ADK: variants seen among roughly 807,000 people sequenced by gnomAD.
The protein encoded by ADK is adenosine kinase.
Under a neutral mutation model 44.7 loss-of-function variants are expected in ADK, and 24 were observed. The ratio of observed to expected loss-of-function variants is 0.54; its 90% CI spans 0.39 to 0.76. ADK has a LOEUF of 0.76. Among genes scored for constraint, ADK ranks in the 30% least tolerant of loss-of-function variants. The pLI, the probability that ADK is intolerant of heterozygous loss-of-function variation, is 0.00. For synonymous variants in ADK, 128 were observed against 142.6 expected, an observed-to-expected ratio of 0.90 and a Z score of 0.73; for missense variants, 321 against 425.1, an observed-to-expected ratio of 0.76 and a Z score of 2.15.
At chr10:74,365,741 G>A (rs1038979444) in intron 4 of ADK, among the ~76,000 whole-genome samples, 6 of 152,062 alleles carry the variant, frequency 3.9e-5, no homozygotes, top group African/African-American at 1.4e-4. Context: ...TAATTGCTGG[G>A]TCATATGGTA....
intron 2 of ADK, among the ~76,000 whole-genome samples, chr10:74,211,485 G>A (rs543981120): frequency 1.2e-3 from 179 of 152,142 alleles, no homozygotes; most frequent in African/African-American, 4.0e-3. Flanking sequence ...ACATCTTATG[G>A]TAGTGATCAT....
chr10:74,478,680 A>C (rs1243619364), intron 6 of ADK, among the ~76,000 whole-genome samples: 1 of 152,212 alleles, frequency 6.6e-6, no homozygotes, highest in Non-Finnish European at 1.5e-5. Flanking sequence ...TATAGAATGC[A>C]ACTATCAATA....
At chr10:74,565,602 C>T (rs1850634687) in intron 7 of ADK, among the ~76,000 whole-genome samples, 1 of 151,914 alleles carries the variant, frequency 6.6e-6, no homozygotes, top group African/African-American at 2.4e-5. Flanking sequence ...TGGCGCATGC[C>T]TGTAATCCCA....
chr10:74,370,902 A>AT (rs1842637562), intron 4 of ADK, among the ~76,000 whole-genome samples: 1 of 152,054 alleles, frequency 6.6e-6, no homozygotes, highest in Non-Finnish European at 1.5e-5. Context: ...AATATTTTTG[A>AT]TTATGTAGAA....
At chr10:74,659,481 A>T (rs1174045283) in intron 9 of ADK, among the ~76,000 whole-genome samples, 2 of 152,252 alleles carry the variant, frequency 1.3e-5, no homozygotes, top group African/African-American at 4.8e-5. Context: ...AGAGGCAGGT[A>T]GTCTGCAAGG....
At chr10:74,151,478 G>A in intron 1 of ADK, 135 bp downstream of exon 1, 1 of 971,664 alleles carries the variant, frequency 1.0e-6, no homozygotes, top group Non-Finnish European at 1.6e-6. Context: ...ACCTCCCCCA[G>A]CTGCCCGCTT....
intron 9 of ADK, among the ~76,000 whole-genome samples, chr10:74,612,954 T>G (rs1852611421): frequency 6.6e-6 from 1 of 152,128 alleles, no homozygotes; most frequent in East Asian, 1.9e-4. Context: ...TGGGTTTACT[T>G]CTGGGTTCTC....
intron 6 of ADK, among the ~76,000 whole-genome samples, chr10:74,425,398 C>A (rs913219375): frequency 1.3e-5 from 2 of 152,082 alleles, no homozygotes; most frequent in Non-Finnish European, 2.9e-5. Context: ...CTTTAGGATC[C>A]CAACTTTATG....
At chr10:74,260,260 T>C (rs1455587464) in intron 3 of ADK, among the ~76,000 whole-genome samples, 1 of 152,092 alleles carries the variant, frequency 6.6e-6, no homozygotes, top group Non-Finnish European at 1.5e-5. Flanking sequence ...GATTCTTTTG[T>C]TTGTTTGTTT....
At chr10:74,694,223 A>G (rs1856094694) in intron 10 of ADK, among the ~76,000 whole-genome samples, 1 of 134,058 alleles carries the variant, frequency 7.5e-6, no homozygotes, top group Non-Finnish European at 1.5e-5. Flanking sequence ...CTGACTAAAG[A>G]CTAAAAATGG....
intron 6 of ADK, among the ~76,000 whole-genome samples, chr10:74,426,191 A>G (rs1376705571): frequency 2.0e-5 from 3 of 152,176 alleles, no homozygotes; most frequent in Admixed American, 2.0e-4. Flanking sequence ...TCATGCCGTT[A>G]ACTATTCCTT....
At chr10:74,294,128 C>G (rs530167579) in intron 3 of ADK, among the ~76,000 whole-genome samples, 1 of 152,226 alleles carries the variant, frequency 6.6e-6, no homozygotes, top group South Asian at 2.1e-4. Context: ...TTTCCATGTC[C>G]TATTCCATCA....
In ADK at chr10:74,224,495, CTG is replaced by C. The variant is rs754194632; in HGVS notation, c.141-35_141-34del. The C allele has an allele frequency of 7.9e-6, 12 of 1,523,764 alleles. No individual in the cohort carries two copies. The South Asian group carries it at 9.0e-5, about 11-fold the overall frequency. 94.4% of individuals were successfully genotyped at this position (1,523,764 alleles called of 1,614,324 possible). On this transcript the variant is annotated intron_variant, in intron 2 of 10. Coordinates refer to ENST00000539909, the MANE Select transcript of ADK (RefSeq NM_006721.4). ...AGAGGTCAGCTAACTTACGTTGACA[CTG>C]TGTGTGTATGAAGAGTGTAATTTTC...
At chr10:74,311,078 A>G (rs567697018) in intron 3 of ADK, among the ~76,000 whole-genome samples, 24 of 152,336 alleles carry the variant, frequency 1.6e-4, no homozygotes, top group African/African-American at 5.8e-4. Flanking sequence ...GATGTATAAA[A>G]GAGCCATAAT....
At chr10:74,245,593 T>C (rs1591924558) in intron 3 of ADK, among the ~76,000 whole-genome samples, 2 of 75,660 alleles carry the variant, frequency 2.6e-5, no homozygotes, top group East Asian at 4.6e-4. Context: ...TTTTTGTTTT[T>C]GTTTTTTTTT....
intron 4 of ADK, among the ~76,000 whole-genome samples, chr10:74,331,605 C>T (rs891520741): frequency 6.6e-6 from 1 of 152,082 alleles, no homozygotes; most frequent in African/African-American, 2.4e-5. Context: ...TGCTTCAGGC[C>T]TCCCAAGTAG....
chr10:74,529,868 G>A (rs562060755), intron 7 of ADK, among the ~76,000 whole-genome samples: 1 of 152,178 alleles, frequency 6.6e-6, no homozygotes, highest in South Asian at 2.1e-4. Flanking sequence ...GAGGTATTTG[G>A]TATTTTATTG....
intron 6 of ADK, among the ~76,000 whole-genome samples, chr10:74,405,840 G>A (rs753109317): frequency 6.6e-6 from 1 of 152,166 alleles, no homozygotes; most frequent in African/African-American, 2.4e-5. Flanking sequence ...AAATGTGTAT[G>A]TGCCTCAGGT....
intron 10 of ADK, among the ~76,000 whole-genome samples, chr10:74,670,992 T>TG (rs1225951877): frequency 3.3e-5 from 5 of 150,200 alleles, no homozygotes; most frequent in Non-Finnish European, 5.9e-5. Flanking sequence ...GGGTCTTTCC[T>TG]GGTCTCTGTT....
Sources: gnomAD v4.1 joint callset for allele counts (sites outside exome capture counted in the v4.1 genomes callset) on GRCh38, gnomAD v4.1.1 for gene constraint, MANE v1.5 for transcripts, NCBI Gene and HGNC (gene_info 2026-07-23, HGNC 2026-07-21) for gene names.